The following WWOX variants were observed in gnomAD, a reference collection of about 807,000 sequenced individuals.
WWOX encodes the protein WW domain-containing oxidoreductase.
A neutral mutation model predicts 46.2 loss-of-function variants in WWOX; 69 were observed. The observed-to-expected ratio is 1.49, with a 90% CI of 1.23 to 1.82. The LOEUF is 1.82. WWOX is among the 40% of genes most tolerant of loss of function. WWOX has a pLI of 0.00. For missense variants in WWOX, 919 were observed against 542.6 expected, an observed-to-expected ratio of 1.69 and a Z score of -6.89; for synonymous variants, 359 against 202.6, an observed-to-expected ratio of 1.77 and a Z score of -6.56.
intron 8 of WWOX, among the ~76,000 whole-genome samples, chr16:78,634,853 T>A (rs1406241231): frequency 3.4e-4 from 51 of 150,740 alleles, no homozygotes; most frequent in East Asian, 2.0e-3. Context: ...TGTGTGTGTG[T>A]GTGTGTGTGT....
intron 8 of WWOX, among the ~76,000 whole-genome samples, chr16:78,759,792 C>A (rs140463077): frequency 2.0e-5 from 3 of 152,256 alleles, no homozygotes; most frequent in Non-Finnish European, 4.4e-5. Context: ...CTGAAGGTTT[C>A]GCTCCAGAGT....
chr16:78,789,195 G>C (rs747587660), intron 8 of WWOX, among the ~76,000 whole-genome samples: 41 of 152,156 alleles, frequency 2.7e-4, no homozygotes, highest in Non-Finnish European at 5.9e-4. Flanking sequence ...ATGGTGGTGT[G>C]AGAGCAGAAG....
intron 8 of WWOX, among the ~76,000 whole-genome samples, chr16:78,967,065 C>G (rs2046375001): frequency 6.6e-6 from 1 of 152,082 alleles, no homozygotes; most frequent in South Asian, 2.1e-4. Context: ...GTTGTCCTTT[C>G]TTTTCTCTTC....
chr16:78,927,589 A>G lies in WWOX; in HGVS notation c.1057-284019A>G, dbSNP rs568652463. On this transcript the variant is annotated intron_variant, in intron 8 of 8. Coordinates refer to ENST00000566780, the MANE Select transcript of WWOX (RefSeq NM_016373.4). ...AAGTTGCGTAGGTACCAGCACTACA[A>G]CCCTATGTAGTTCACATAACTATTT... Among the ~76,000 whole-genome samples the G allele has an allele frequency of 7.2e-5, 11 of 152,298 alleles. No individual in the cohort carries two copies. In the South Asian group the frequency reaches 1.2e-3, roughly 17 times the overall value.
intron 8 of WWOX, among the ~76,000 whole-genome samples, chr16:78,561,114 A>T (rs768891481): frequency 1.6e-4 from 24 of 152,140 alleles, no homozygotes; most frequent in Admixed American, 1.4e-3. Context: ...AAGTTGTAAG[A>T]CTAGGGCCCC....
At chr16:79,119,139 T>C (rs992422748) in intron 8 of WWOX, among the ~76,000 whole-genome samples, 1 of 151,846 alleles carries the variant, frequency 6.6e-6, no homozygotes, top group Non-Finnish European at 1.5e-5. Flanking sequence ...ATTTAAATGA[T>C]CAGAAGCAGC....
rs2034115119 is a variant in WWOX at position 78,144,471 on chromosome 16, A to ATATATATATATATACG, written c.410-19698_410-19697insCGTATATATATATATA. ...TACACATATATATATATACACACAT[A>ATATATATATATATACG]TATATATATATATATACACACACAC... On this transcript the variant is annotated intron_variant, in intron 4 of 8. Coordinates refer to ENST00000566780, the MANE Select transcript of WWOX (RefSeq NM_016373.4). Among the ~76,000 whole-genome samples the ATATATATATATATACG allele has an allele frequency of 7.7e-4, 26 of 33,568 alleles. 2 individuals are homozygous for ATATATATATATATACG. Among genetic ancestry groups the ATATATATATATATACG allele is most frequent in the South Asian group, 2.8e-3 (3 of 1,086 alleles). 22.0% of individuals were successfully genotyped at this position (33,568 alleles called of 152,430 possible). A position where few individuals can be genotyped will look rare whatever the true frequency, so the allele number is the denominator to read the frequency against.
intron 1 of WWOX, among the ~76,000 whole-genome samples, chr16:78,106,562 A>G (rs567185615): frequency 6.6e-6 from 1 of 151,908 alleles, no homozygotes; most frequent in East Asian, 1.9e-4. Context: ...GATTACAGGC[A>G]TGTGCCACCA....
chr16:78,354,821 A>AT (rs2081251767), intron 5 of WWOX, among the ~76,000 whole-genome samples: 1 of 152,010 alleles, frequency 6.6e-6, no homozygotes, highest in Admixed American at 6.6e-5. Flanking sequence ...TTTTGATTAA[A>AT]TTTTCATATA....
intron 8 of WWOX, among the ~76,000 whole-genome samples, chr16:79,119,215 A>G (rs1273907238): frequency 6.6e-6 from 1 of 152,188 alleles, no homozygotes; most frequent in Non-Finnish European, 1.5e-5. Flanking sequence ...CATTACTAAT[A>G]TGATAAACAA....
intron 8 of WWOX, among the ~76,000 whole-genome samples, chr16:78,993,668 C>T (rs931026605): frequency 1.3e-5 from 2 of 152,180 alleles, no homozygotes; most frequent in East Asian, 3.9e-4. Context: ...TTGTCACCGG[C>T]GGCTTTATGT....
chr16:78,956,092 G>A (rs1273199584), intron 8 of WWOX, among the ~76,000 whole-genome samples: 2 of 152,030 alleles, frequency 1.3e-5, no homozygotes, highest in Non-Finnish European at 2.9e-5. Flanking sequence ...CTCCGGCAGA[G>A]CCCTGGCTCA....
chr16:78,646,170 G>C (rs534661807), intron 8 of WWOX, among the ~76,000 whole-genome samples: 10 of 152,156 alleles, frequency 6.6e-5, no homozygotes, highest in Non-Finnish European at 1.3e-4. Flanking sequence ...GTAGAGCATG[G>C]ATGCCTTTTG....
intron 8 of WWOX, among the ~76,000 whole-genome samples, chr16:79,019,044 C>T (rs2047474490): frequency 6.7e-6 from 1 of 149,114 alleles, no homozygotes; most frequent in Non-Finnish European, 1.5e-5. Context: ...GTAGTTTCAG[C>T]TATTCCGGAA....
At chr16:78,313,886 AT>A (rs1259842492) in intron 5 of WWOX, among the ~76,000 whole-genome samples, 1 of 152,128 alleles carries the variant, frequency 6.6e-6, no homozygotes, top group Non-Finnish European at 1.5e-5. Context: ...TCATTCTCAG[AT>A]TGGAATTGTC....
At chr16:78,733,678 T>G (rs1189159627) in intron 8 of WWOX, among the ~76,000 whole-genome samples, 2 of 150,826 alleles carry the variant, frequency 1.3e-5, no homozygotes, top group Admixed American at 1.3e-4. Context: ...TGGTTTGAAC[T>G]TGGGAGGTGG....
intron 8 of WWOX, among the ~76,000 whole-genome samples, chr16:78,885,380 C>T (rs770413239): frequency 1.3e-5 from 2 of 152,040 alleles, no homozygotes; most frequent in African/African-American, 2.4e-5. Flanking sequence ...CTTTTTGGCT[C>T]CTGAGACCAC....
intron 8 of WWOX, among the ~76,000 whole-genome samples, chr16:78,809,631 C>T (rs561278826): frequency 2.6e-5 from 4 of 152,254 alleles, no homozygotes; most frequent in African/African-American, 7.2e-5. Flanking sequence ...AGAAATTTAA[C>T]CTAGTACACA....
At chr16:79,010,691 G>A (rs964504974) in intron 8 of WWOX, among the ~76,000 whole-genome samples, 6 of 152,160 alleles carry the variant, frequency 3.9e-5, no homozygotes, top group African/African-American at 1.4e-4. Context: ...GTCAAGGAAG[G>A]CTTCCAGGCA....
Sources: gnomAD v4.1 joint callset for allele counts (sites outside exome capture counted in the v4.1 genomes callset) on GRCh38, gnomAD v4.1.1 for gene constraint, MANE v1.5 for transcripts, NCBI Gene and HGNC (gene_info 2026-07-23, HGNC 2026-07-21) for gene names.